Variants in PEX5L observed in about 807,000 individuals in gnomAD.
The protein encoded by PEX5L is PEX5-related protein.
PEX5L carries 30 observed loss-of-function variants against 84.0 expected under a neutral mutation model. That is an observed-to-expected ratio of 0.36 (90% CI 0.27 to 0.48). The LOEUF (loss-of-function observed/expected upper bound fraction) is 0.48. PEX5L is among the 20% of genes least tolerant of loss of function. The pLI, the probability that PEX5L is intolerant of heterozygous loss-of-function variation, is 0.99. For synonymous variants in PEX5L, 270 were observed against 283.1 expected (o/e 0.95, Z 0.46); for missense variants, 533 against 754.6 (o/e 0.71, Z 3.44).
rs566894662 is a variant in PEX5L at position 179,945,241 on chromosome 3, G to A, written c.93+26353C>T. Among the ~76,000 whole-genome samples the A allele has an allele frequency of 3.3e-5, 5 of 152,282 alleles. No homozygotes were observed. The East Asian group carries it at 9.7e-4, about 29-fold the overall frequency. Reference sequence around the variant, plus strand: ...TCCTTTTTAGAATGGTTGGGACAGGGTGAAATCACCTAAATTTTAAGTATT... The same window carrying A: ...TCCTTTTTAGAATGGTTGGGACAGGATGAAATCACCTAAATTTTAAGTATT... On this transcript the variant is annotated intron_variant, in intron 2 of 14. Transcript: ENST00000467460.
intron 2 of PEX5L, among the ~76,000 whole-genome samples, chr3:179,955,299 G>C (rs2110021134): frequency 6.6e-6 from 1 of 152,224 alleles, no homozygotes; most frequent in East Asian, 1.9e-4. Flanking sequence ...TTTGTTGATA[G>C]AGGGCCTAAT....
At chr3:179,835,526 G>T (rs1734625870) in intron 8 of PEX5L, among the ~76,000 whole-genome samples, 1 of 152,068 alleles carries the variant, frequency 6.6e-6, no homozygotes, top group Non-Finnish European at 1.5e-5. Flanking sequence ...TTTTTTCTCT[G>T]GGAGGCAGAG....
intron 1 of PEX5L, among the ~76,000 whole-genome samples, chr3:180,004,168 A>G (rs1369866861): frequency 6.6e-6 from 1 of 152,204 alleles, no homozygotes; most frequent in Non-Finnish European, 1.5e-5. Context: ...CCTGGCTGGG[A>G]AATTAAATCC....
At chr3:180,028,429 T>A (rs1345653825) in intron 1 of PEX5L, among the ~76,000 whole-genome samples, 1 of 152,186 alleles carries the variant, frequency 6.6e-6, no homozygotes, top group African/African-American at 2.4e-5. Flanking sequence ...ACATATAAAA[T>A]ATCAAATAGT....
rs190691060 is a variant in PEX5L, at chr3:179,982,935, C to T, written c.22-11270G>A. On this transcript the variant is annotated intron_variant, in intron 1 of 14. Coordinates refer to ENST00000467460, the MANE Select transcript of PEX5L (RefSeq NM_016559.3). ...ATCATTTTTCTTTTAAAAAAAACCA[C>T]TAAAAATCTTAATCATGTATACAAG... is the stretch of plus-strand genomic sequence containing the variant. 6.6e-5 allele frequency among the ~76,000 whole-genome samples: 10 copies of T among 152,032 alleles called. No individual in the cohort carries two copies. In the East Asian group the frequency reaches 1.9e-3, roughly 29 times the overall value.
At chr3:180,031,187 CT>C (rs1251755206) in intron 1 of PEX5L, among the ~76,000 whole-genome samples, 1 of 152,034 alleles carries the variant, frequency 6.6e-6, no homozygotes, top group Admixed American at 6.6e-5. Context: ...ATTATTACGC[CT>C]TGAGCAATTG....
intron 8 of PEX5L, among the ~76,000 whole-genome samples, chr3:179,833,415 C>A (rs1011527436): frequency 2.0e-4 from 30 of 152,214 alleles, no homozygotes; most frequent in African/African-American, 7.2e-4. Context: ...CTCTTGCACA[C>A]TTTTCATTAA....
chr3:179,983,327 G>A (rs950660654), intron 1 of PEX5L, among the ~76,000 whole-genome samples: 1 of 151,732 alleles, frequency 6.6e-6, no homozygotes, highest in Admixed American at 6.6e-5. Flanking sequence ...TTTTTATTAA[G>A]AAAATTCAAG....
At chr3:179,874,153 A>G (rs980956000) in intron 7 of PEX5L, among the ~76,000 whole-genome samples, 174 bp downstream of exon 7, 4 of 152,184 alleles carry the variant, frequency 2.6e-5, no homozygotes, top group Admixed American at 2.6e-4. Flanking sequence ...ATATATACAC[A>G]CACACCTATA....
chr3:179,966,595 G>A (rs1355362257), intron 2 of PEX5L, among the ~76,000 whole-genome samples: 2 of 152,074 alleles, frequency 1.3e-5, no homozygotes, highest in African/African-American at 2.4e-5. Context: ...TATCTTCTCC[G>A]TTAATCTGTT....
At chr3:179,837,132 C>A (rs1735251126) in intron 8 of PEX5L, among the ~76,000 whole-genome samples, 1 of 152,072 alleles carries the variant, frequency 6.6e-6, no homozygotes, top group South Asian at 2.1e-4. Flanking sequence ...ATTCTAGTTT[C>A]TTTCAATATC....
intron 7 of PEX5L, among the ~76,000 whole-genome samples, chr3:179,871,135 C>T (rs1236505285): frequency 3.7e-5 from 5 of 135,250 alleles, no homozygotes; most frequent in African/African-American, 1.2e-4. Flanking sequence ...CTGAGTCTCG[C>T]TCTGTCACCC....
chr3:179,939,037 A>G (rs1775365684), intron 2 of PEX5L, among the ~76,000 whole-genome samples: 1 of 152,212 alleles, frequency 6.6e-6, no homozygotes, highest in African/African-American at 2.4e-5. Context: ...GGGGCTGGGA[A>G]AAGACTGCAT....
chr3:179,842,907 G>A (rs1342300392), intron 8 of PEX5L, among the ~76,000 whole-genome samples: 3 of 152,066 alleles, frequency 2.0e-5, no homozygotes, highest in African/African-American at 7.2e-5. Context: ...GGCAATGACA[G>A]AATTTAGTTA....
At chr3:180,030,542 GC>G (rs1395630149) in intron 1 of PEX5L, among the ~76,000 whole-genome samples, 1 of 152,058 alleles carries the variant, frequency 6.6e-6, no homozygotes, top group African/African-American at 2.4e-5. Flanking sequence ...TACTTTCCCA[GC>G]CAATATCCCC....
intron 2 of PEX5L, among the ~76,000 whole-genome samples, chr3:179,913,953 T>G (rs1766086761): frequency 6.6e-6 from 1 of 152,208 alleles, no homozygotes; most frequent in Non-Finnish European, 1.5e-5. Flanking sequence ...AAATGAGCCA[T>G]GAAATTATAT....
At chr3:179,922,614 G>A (rs2109432029) in intron 2 of PEX5L, among the ~76,000 whole-genome samples, 1 of 151,722 alleles carries the variant, frequency 6.6e-6, no homozygotes, top group African/African-American at 2.4e-5. Flanking sequence ...ATGCCTGGCT[G>A]GCTACTTTTT....
intron 1 of PEX5L, chr3:179,974,131 C>CCCTG: frequency 1.0e-6 from 1 of 985,556 alleles, no homozygotes; most frequent in Non-Finnish European, 1.2e-6. Context: ...AGCCGGGAAT[C>CCCTG]CCTGTCTTCT....
intron 7 of PEX5L, among the ~76,000 whole-genome samples, chr3:179,861,882 G>C (rs1036914390): frequency 6.6e-6 from 1 of 152,222 alleles, no homozygotes; most frequent in Non-Finnish European, 1.5e-5. Context: ...GGCAAATTGA[G>C]GTTGTGTGAT....
Sources: allele counts gnomAD v4.1 joint callset (sites outside exome capture counted in the v4.1 genomes callset), GRCh38; gene constraint gnomAD v4.1.1; transcripts MANE v1.5; gene names NCBI Gene and HGNC (gene_info 2026-07-23, HGNC 2026-07-21).